The following EMP2 variants were observed in gnomAD, a reference collection of about 807,000 sequenced individuals.
EMP2 encodes epithelial membrane protein 2.
Under a neutral mutation model 13.7 loss-of-function variants are expected in EMP2, and 19 were observed. The ratio of observed to expected loss-of-function variants is 1.38; its 90% CI spans 0.97 to 2.03. The LOEUF (loss-of-function observed/expected upper bound fraction) is 2.03. Among genes scored for constraint, EMP2 ranks in the 30% most tolerant of loss-of-function variants. The pLI is 0.00. For missense variants in EMP2, 253 were observed against 220.7 expected (o/e 1.15, Z -0.93); for synonymous variants, 97 against 84.7 (o/e 1.15, Z -0.80).
At position 10,580,465 on chromosome 16, in the gene EMP2, G is replaced by A. The variant is rs2051019996; in HGVS notation, c.-61+84C>T. The A allele has an allele frequency of 6.6e-6, 1 of 152,312 alleles. No homozygotes were observed. The highest frequency in any genetic ancestry group is 6.5e-5 in the Admixed American group (1 of 15,290). 9.4% of individuals were successfully genotyped at this position (152,312 alleles called of 1,614,324 possible). ...GCTGCTCCCGGTCCAGTAAGTGGAGGGGTCGCGTCCCTGCTGCCCGGGCGT... is the reference window on the plus strand; with the variant it reads ...GCTGCTCCCGGTCCAGTAAGTGGAGAGGTCGCGTCCCTGCTGCCCGGGCGT... On this transcript the variant is annotated intron_variant, in intron 1 of 4. Transcript: ENST00000359543. This position sits in a 1 kb window ranked among gnomAD's most constrained non-coding sequence, Gnocchi z 4.3.
intron 4 of EMP2, among the ~76,000 whole-genome samples, chr16:10,537,675 T>C (rs2050658887): frequency 1.3e-5 from 2 of 152,146 alleles, no homozygotes; most frequent in Non-Finnish European, 1.5e-5. Context: ...TCTGGCTTCA[T>C]GTCTCCAGGA....
chr16:10,561,491 A>G (rs1456620542), intron 1 of EMP2, among the ~76,000 whole-genome samples: 1 of 152,268 alleles, frequency 6.6e-6, no homozygotes, highest in East Asian at 1.9e-4. Flanking sequence ...GAGTGGGCAC[A>G]GAGGTGGGAG....
intron 1 of EMP2, among the ~76,000 whole-genome samples, chr16:10,573,031 CAT>C (rs1469658152): frequency 2.0e-5 from 3 of 152,128 alleles, no homozygotes; most frequent in Non-Finnish European, 4.4e-5. Flanking sequence ...GAGTGGTCAG[CAT>C]GGGTTTATTT....
intron 1 of EMP2, among the ~76,000 whole-genome samples, chr16:10,557,356 CA>C (rs71402497): frequency 8.8e-4 from 95 of 107,586 alleles, no homozygotes; most frequent in Middle Eastern, 5.0e-3. Flanking sequence ...GACTCCATCT[CA>C]AAAAAAAAAA....
At chr16:10,577,610 G>C (rs2050992574) in intron 1 of EMP2, among the ~76,000 whole-genome samples, 1 of 152,114 alleles carries the variant, frequency 6.6e-6, no homozygotes, top group African/African-American at 2.4e-5. Context: ...TCGTCCAAGA[G>C]TCAGGCCTCC....
intron 1 of EMP2, among the ~76,000 whole-genome samples, chr16:10,568,944 G>A (rs150781809): frequency 0.012 from 1,786 of 151,900 alleles, 33 homozygotes; most frequent in African/African-American, 0.041. Context: ...CTGCCACCAC[G>A]CCAGGCTAAT....
intron 1 of EMP2, among the ~76,000 whole-genome samples, chr16:10,569,977 G>C (rs2050935994): frequency 6.6e-6 from 1 of 152,084 alleles, no homozygotes; most frequent in African/African-American, 2.4e-5. Context: ...CAAACCCCCT[G>C]CCCTTGCAGC....
At chr16:10,574,531 C>T (rs921781060) in intron 1 of EMP2, among the ~76,000 whole-genome samples, 1 of 152,014 alleles carries the variant, frequency 6.6e-6, no homozygotes, top group East Asian at 1.9e-4. Flanking sequence ...GGTCCCTGCT[C>T]GCAATCTCTG....
At chr16:10,570,242 T>TA (rs2050937766) in intron 1 of EMP2, among the ~76,000 whole-genome samples, 1 of 149,168 alleles carries the variant, frequency 6.7e-6, no homozygotes. Context: ...TTTTTTTTTT[T>TA]AAAGACAGAG....
At chr16:10,571,621 C>A (rs2050948122) in intron 1 of EMP2, among the ~76,000 whole-genome samples, 1 of 152,116 alleles carries the variant, frequency 6.6e-6, no homozygotes, top group African/African-American at 2.4e-5. Flanking sequence ...ACTTGGTCAG[C>A]TTTGTGTCTC....
intron 4 of EMP2, 73 bp downstream of exon 4, chr16:10,537,855 C>T (rs1033121845): frequency 1.3e-6 from 2 of 1,576,286 alleles, no homozygotes; most frequent in African/African-American, 1.4e-5. Context: ...CTCCTGGCTT[C>T]CCTCCTGGCG....
At chr16:10,548,381 G>A (rs1315697458) in intron 1 of EMP2, among the ~76,000 whole-genome samples, 4 of 151,926 alleles carry the variant, frequency 2.6e-5, no homozygotes, top group African/African-American at 4.8e-5. Context: ...ATTTCCTAAC[G>A]ATCTGACCAT....
At chr16:10,551,205 G>C (rs1047873289) in intron 1 of EMP2, among the ~76,000 whole-genome samples, 2 of 151,960 alleles carry the variant, frequency 1.3e-5, no homozygotes, top group African/African-American at 4.8e-5. Flanking sequence ...CTATGGATTT[G>C]TCTATTTTAG....
intron 1 of EMP2, among the ~76,000 whole-genome samples, chr16:10,556,774 T>C (rs2142194241): frequency 6.6e-6 from 1 of 152,362 alleles, no homozygotes; most frequent in East Asian, 1.9e-4. Context: ...CTAATGGTTC[T>C]GGGTGATTTG....
intron 1 of EMP2, among the ~76,000 whole-genome samples, chr16:10,560,196 T>C (rs2050861652): frequency 6.6e-6 from 1 of 152,200 alleles, no homozygotes; most frequent in Non-Finnish European, 1.5e-5. Context: ...CTCACACACA[T>C]AGCTTCAGAT....
At chr16:10,569,535 G>C (rs778629063) in intron 1 of EMP2, among the ~76,000 whole-genome samples, 7 of 151,962 alleles carry the variant, frequency 4.6e-5, no homozygotes, top group Non-Finnish European at 1.0e-4. Context: ...CCTTGAACTA[G>C]TCTTGAACTC....
At chr16:10,547,397 G>T in intron 2 of EMP2, 143 bp downstream of exon 2, 1 of 849,718 alleles carries the variant, frequency 1.2e-6, no homozygotes, top group Non-Finnish European at 1.8e-6. Flanking sequence ...GTGGAATTGT[G>T]AGTCCATTAG....
rs958631943 is a variant in EMP2, at chr16:10,532,199, G to A, written c.*706C>T. 1 of 84,590 alleles carries A rather than the reference G, an allele frequency of 1.2e-5. No individual in the cohort carries two copies. Among genetic ancestry groups the A allele is most frequent in the African/African-American group, 5.6e-5 (1 of 17,904 alleles). 5.2% of individuals were successfully genotyped at this position (84,590 alleles called of 1,614,324 possible). ...AAGACTCTGATTCTGTAGGTCTGGG[G>A]TGAGGGGGGGGGCGCTGTAGGTTTT... On this transcript the variant is annotated 3_prime_UTR_variant, in exon 5 of 5. Coordinates refer to ENST00000359543, the MANE Select transcript of EMP2 (RefSeq NM_001424.6).
At chr16:10,546,885 C>T (rs2050743730) in intron 2 of EMP2, 1 of 152,168 alleles carries the variant, frequency 6.6e-6, no homozygotes, top group African/African-American at 2.4e-5. Context: ...CACACAACAT[C>T]CTCAAAGGGC....
Sources: gnomAD v4.1 joint callset for allele counts (sites outside exome capture counted in the v4.1 genomes callset) on GRCh38, gnomAD v4.1.1 for gene constraint, Gnocchi (gnomAD v3.1) non-coding constraint, MANE v1.5 for transcripts, NCBI Gene and HGNC (gene_info 2026-07-23, HGNC 2026-07-21) for gene names.